NXPE2: variants seen among roughly 807,000 people sequenced by gnomAD.
NXPE2 encodes neurexophilin and PC-esterase domain family member 2.
Under a neutral mutation model 34.4 loss-of-function variants are expected in NXPE2, and 34 were observed. The observed-to-expected ratio is 0.99, with a 90% CI of 0.75 to 1.31. The LOEUF (loss-of-function observed/expected upper bound fraction) is 1.31. Among genes scored for constraint, NXPE2 ranks in the 40% most tolerant of loss-of-function variants. The pLI, the probability that NXPE2 is intolerant of heterozygous loss-of-function variation, is 0.00. For missense variants in NXPE2, 649 were observed against 672.5 expected (o/e 0.97, Z 0.39); for synonymous variants, 235 against 231.3 (o/e 1.02, Z -0.15).
At chr11:114,543,758 A>G in the NXPE2 span, among the ~76,000 whole-genome samples, 1 of 152,152 alleles carries the variant, frequency 6.6e-6, no homozygotes, top group Non-Finnish European at 1.5e-5. Flanking sequence ...AAGGAAAAAT[A>G]AGAGACATAC....
At chr11:114,522,755 G>T in the NXPE2 span, 2 of 709,878 alleles carry the variant, frequency 2.8e-6, no homozygotes, top group Non-Finnish European at 2.3e-6. Flanking sequence ...TAAATGTAAA[G>T]GTTCAAATCC....
At chr11:114,627,170 G>A in the NXPE2 span, among the ~76,000 whole-genome samples, 17 of 152,058 alleles carry the variant, frequency 1.1e-4, no homozygotes, top group South Asian at 4.2e-4. Flanking sequence ...TACAGAGAAC[G>A]CCACAAAGAT....
chr11:114,570,034 A>G, the NXPE2 span, among the ~76,000 whole-genome samples: 1 of 152,110 alleles, frequency 6.6e-6, no homozygotes, highest in Non-Finnish European at 1.5e-5. Context: ...TTCTCTCAAG[A>G]TGTAAGAAAT....
the NXPE2 span, among the ~76,000 whole-genome samples, chr11:114,633,053 T>C: frequency 2.6e-5 from 3 of 115,526 alleles, no homozygotes; most frequent in African/African-American, 3.5e-5. Flanking sequence ...AATTGCATTA[T>C]TATTTTATAT....
chr11:114,745,480 A>T, the NXPE2 span, among the ~76,000 whole-genome samples: 1 of 152,204 alleles, frequency 6.6e-6, no homozygotes, highest in Non-Finnish European at 1.5e-5. Context: ...TGGCCTCATG[A>T]TCCAAACACC....
At chr11:114,649,575 C>A in the NXPE2 span, among the ~76,000 whole-genome samples, 1 of 152,232 alleles carries the variant, frequency 6.6e-6, no homozygotes, top group South Asian at 2.1e-4. Flanking sequence ...GCCTGGGCAA[C>A]TAGGTAAAAA....
chr11:114,471,923 A>G, the NXPE2 span, among the ~76,000 whole-genome samples: 16 of 152,338 alleles, frequency 1.1e-4, no homozygotes, highest in African/African-American at 3.6e-4. Flanking sequence ...GAAGCAGTGT[A>G]TACTTTATCT....
chr11:114,798,937 C>T, the NXPE2 span, among the ~76,000 whole-genome samples: 23 of 152,210 alleles, frequency 1.5e-4, no homozygotes, highest in Non-Finnish European at 2.8e-4. Flanking sequence ...AGCTGCCTCA[C>T]GCGCTTTCTC....
the NXPE2 span, among the ~76,000 whole-genome samples, chr11:114,506,711 T>C: frequency 4.6e-3 from 706 of 152,208 alleles, 5 homozygotes; most frequent in South Asian, 0.026. Context: ...CATACCAGAA[T>C]CTCTGGGACA....
the NXPE2 span, among the ~76,000 whole-genome samples, chr11:114,618,541 G>A: frequency 3.3e-5 from 5 of 151,908 alleles, no homozygotes; most frequent in Admixed American, 3.3e-4. Flanking sequence ...TTGCCTCTAG[G>A]GTGATCACTG....
At chr11:114,778,374 G>C in the NXPE2 span, among the ~76,000 whole-genome samples, 32 of 152,286 alleles carry the variant, frequency 2.1e-4, 1 homozygote, top group African/African-American at 7.7e-4. Context: ...CAAGAATGAC[G>C]AGACAGCATC....
At chr11:114,740,967 T>C in the NXPE2 span, among the ~76,000 whole-genome samples, 1 of 152,206 alleles carries the variant, frequency 6.6e-6, no homozygotes, top group Non-Finnish European at 1.5e-5. Flanking sequence ...TTTTGTCTCA[T>C]ATAAATATAT....
chr11:114,795,299 A>T, the NXPE2 span, among the ~76,000 whole-genome samples: 1 of 151,746 alleles, frequency 6.6e-6, no homozygotes, highest in Non-Finnish European at 1.5e-5. Flanking sequence ...CAGAGATGGG[A>T]TTCATTTTTC....
the NXPE2 span, chr11:114,594,809 A>G: frequency 9.9e-7 from 1 of 1,014,110 alleles, no homozygotes; most frequent in East Asian, 2.5e-5. Context: ...AAAACATACA[A>G]CAAAACAGAA....
chr11:114,536,650 G>A, the NXPE2 span, among the ~76,000 whole-genome samples: 687 of 152,068 alleles, frequency 4.5e-3, 9 homozygotes, highest in African/African-American at 0.015. Context: ...AATACTATAA[G>A]CACCTCTATG....
chr11:114,620,063 C>T, the NXPE2 span, among the ~76,000 whole-genome samples: 5 of 151,938 alleles, frequency 3.3e-5, no homozygotes, highest in Non-Finnish European at 5.9e-5. Flanking sequence ...ACCACTGTTA[C>T]CTGGTGTATA....
At chr11:114,648,290 C>T in the NXPE2 span, among the ~76,000 whole-genome samples, 2 of 151,994 alleles carry the variant, frequency 1.3e-5, no homozygotes, top group Non-Finnish European at 2.9e-5. Flanking sequence ...GGTGTAGGTT[C>T]AGTTCAAAAG....
At chr11:114,522,034 G>A in the NXPE2 span, 9 of 1,613,744 alleles carry the variant, frequency 5.6e-6, no homozygotes, top group African/African-American at 1.2e-4. Context: ...GGTGGATAGT[G>A]TCAGTGCCAT....
the NXPE2 span, among the ~76,000 whole-genome samples, chr11:114,716,182 G>A: frequency 6.6e-6 from 1 of 152,116 alleles, no homozygotes. Context: ...TACCAATGGT[G>A]CCGTTGGAAG....
Sources: gnomAD v4.1 joint callset for allele counts (sites outside exome capture counted in the v4.1 genomes callset) on GRCh38, gnomAD v4.1.1 for gene constraint, MANE v1.5 for transcripts, NCBI Gene and HGNC (gene_info 2026-07-23, HGNC 2026-07-21) for gene names.